The following SOX6 variants were observed in gnomAD, a reference collection of about 807,000 sequenced individuals.
The protein encoded by SOX6 is SRY-box transcription factor 6.
In SOX6, 11 loss-of-function variants were observed where a neutral mutation model predicts 97.8. The observed-to-expected ratio is 0.11, with a 90% CI of 0.07 to 0.19. The LOEUF is 0.19. Among genes scored for constraint, SOX6 ranks in the 10% least tolerant of loss-of-function variants. The probability of loss-of-function intolerance (pLI) is 1.00; values close to 1 mark genes in which losing one functional copy is unlikely to be tolerated. For missense variants in SOX6, 810 were observed against 1,039.5 expected (o/e 0.78, Z 3.04); for synonymous variants, 360 against 371.4 (o/e 0.97, Z 0.35).
intron 3 of SOX6, among the ~76,000 whole-genome samples, chr11:16,615,412 T>G (rs1485328486): frequency 6.6e-6 from 1 of 152,158 alleles, no homozygotes; most frequent in African/African-American, 2.4e-5. Flanking sequence ...TTAACATAAC[T>G]GGCAGAAACT....
intron 6 of SOX6, among the ~76,000 whole-genome samples, chr11:16,126,784 T>A (rs540989243): frequency 6.6e-6 from 1 of 152,302 alleles, no homozygotes; most frequent in South Asian, 2.1e-4. Flanking sequence ...ATAGATGACT[T>A]CTTGTTACAC....
chr11:16,301,564 C>T (rs992535241), intron 3 of SOX6, among the ~76,000 whole-genome samples: 3 of 152,130 alleles, frequency 2.0e-5, no homozygotes, highest in Non-Finnish European at 4.4e-5. Context: ...GATGCCAATG[C>T]TACTGACAGT....
intron 4 of SOX6, among the ~76,000 whole-genome samples, chr11:16,520,486 C>A (rs904160101): frequency 4.6e-5 from 7 of 152,168 alleles, no homozygotes; most frequent in African/African-American, 1.7e-4. Context: ...TTAAAGTAAA[C>A]CTTGGGCCGA....
chr11:16,207,324 T>C (rs78152447), intron 4 of SOX6, among the ~76,000 whole-genome samples: 8,887 of 152,192 alleles, frequency 0.058, 646 homozygotes, highest in East Asian at 0.37. Context: ...CAAATTCGGC[T>C]GGGCGCGGTG....
chr11:16,645,962 A>T (rs1238126163), intron 3 of SOX6: 1 of 152,246 alleles, frequency 6.6e-6, no homozygotes, highest in African/African-American at 2.4e-5. Context: ...ATGGCTTAAA[A>T]AAATAAATGT....
chr11:16,193,372 T>TA (rs566408525), intron 4 of SOX6, among the ~76,000 whole-genome samples: 8 of 148,380 alleles, frequency 5.4e-5, no homozygotes, highest in Admixed American at 6.7e-5. Context: ...ATCCTGTCTT[T>TA]AAAAAAAAAA....
At chr11:16,285,113 C>T (rs573667099) in intron 3 of SOX6, among the ~76,000 whole-genome samples, 9 of 152,026 alleles carry the variant, frequency 5.9e-5, no homozygotes, top group African/African-American at 2.2e-4. Flanking sequence ...AACAAACCTG[C>T]CAGTTTTCTT....
chr11:16,069,619 T>C (rs1007420635), intron 9 of SOX6, among the ~76,000 whole-genome samples: 1 of 152,226 alleles, frequency 6.6e-6, no homozygotes, highest in Non-Finnish European at 1.5e-5. Context: ...TTAAGGTAAT[T>C]ATAATCATGT....
chr11:16,034,942 G>A (rs571047492), intron 12 of SOX6, among the ~76,000 whole-genome samples: 27 of 152,090 alleles, frequency 1.8e-4, no homozygotes, highest in Non-Finnish European at 3.2e-4. Context: ...AGCAGGAGCA[G>A]GTACCCACTT....
chr11:16,398,857 A>G (rs1023080012), intron 1 of SOX6, among the ~76,000 whole-genome samples: 1 of 151,274 alleles, frequency 6.6e-6, no homozygotes, highest in Non-Finnish European at 1.5e-5. Flanking sequence ...AAAACCCTTG[A>G]GAACTGGAAT....
chr11:16,277,079 T>A (rs1854425707), intron 3 of SOX6, among the ~76,000 whole-genome samples: 2 of 152,268 alleles, frequency 1.3e-5, no homozygotes, highest in African/African-American at 4.8e-5. Context: ...CACCGAAGAA[T>A]CCTTGCTCTA....
At chr11:16,100,405 A>G (rs1410535636) in intron 7 of SOX6, among the ~76,000 whole-genome samples, 1 of 151,792 alleles carries the variant, frequency 6.6e-6, no homozygotes, top group Non-Finnish European at 1.5e-5. Context: ...AATAATGTCC[A>G]TTCTGTAAAT....
At chr11:16,150,911 C>T (rs1033254021) in intron 6 of SOX6, among the ~76,000 whole-genome samples, 1 of 151,994 alleles carries the variant, frequency 6.6e-6, no homozygotes, top group African/African-American at 2.4e-5. Context: ...TTATTCGTAC[C>T]CAAGTGTCAA....
intron 3 of SOX6, among the ~76,000 whole-genome samples, chr11:16,298,587 G>A (rs1200734567): frequency 2.0e-5 from 3 of 152,030 alleles, no homozygotes; most frequent in Non-Finnish European, 4.4e-5. Flanking sequence ...GAAATTATCT[G>A]AAACAAATCA....
intron 4 of SOX6, among the ~76,000 whole-genome samples, chr11:16,498,592 C>T (rs1237082259): frequency 6.6e-6 from 1 of 151,672 alleles, no homozygotes; most frequent in Non-Finnish European, 1.5e-5. Context: ...CACATAGGCT[C>T]AAAATAAAGG....
intron 1 of SOX6, among the ~76,000 whole-genome samples, chr11:16,364,145 C>T (rs1456117878): frequency 6.6e-6 from 1 of 152,036 alleles, no homozygotes; most frequent in Non-Finnish European, 1.5e-5. Context: ...CCTGAAATTT[C>T]TCTATTCCAG....
At chr11:16,233,358 A>T (rs1852916843) in intron 4 of SOX6, among the ~76,000 whole-genome samples, 1 of 152,218 alleles carries the variant, frequency 6.6e-6, no homozygotes, top group Non-Finnish European at 1.5e-5. Context: ...AATCAGCAAG[A>T]GTTTGGTTAG....
intron 1 of SOX6, among the ~76,000 whole-genome samples, chr11:16,415,462 A>G (rs1197534321): frequency 1.3e-5 from 2 of 152,280 alleles, no homozygotes; most frequent in Admixed American, 6.5e-5. Context: ...GAATTTCTAT[A>G]GAATACTACA....
chr11:16,121,154 T>C (rs1564965584), intron 6 of SOX6, among the ~76,000 whole-genome samples: 3 of 152,104 alleles, frequency 2.0e-5, no homozygotes, highest in Non-Finnish European at 4.4e-5. Context: ...GGATCATATG[T>C]AGTCAAAAGT....
Sources: gnomAD v4.1 joint callset for allele counts (sites outside exome capture counted in the v4.1 genomes callset) on GRCh38, gnomAD v4.1.1 for gene constraint, MANE v1.5 for transcripts, NCBI Gene and HGNC (gene_info 2026-07-23, HGNC 2026-07-21) for gene names.